The following TBC1D8 variants were observed in gnomAD, a reference collection of about 807,000 sequenced individuals.
TBC1D8 encodes the protein BUB2-like protein 1.
Under a neutral mutation model 118.8 loss-of-function variants are expected in TBC1D8, and 65 were observed. That is an observed-to-expected ratio of 0.55 (90% CI 0.45 to 0.67). The LOEUF is 0.67. Among genes scored for constraint, TBC1D8 ranks in the 30% least tolerant of loss-of-function variants. The pLI is 0.00. For missense variants in TBC1D8, 1,376 were observed against 1,471.2 expected, an observed-to-expected ratio of 0.94 and a Z score of 1.06; for synonymous variants, 566 against 595.8, an observed-to-expected ratio of 0.95 and a Z score of 0.73.
intron 1 of TBC1D8, among the ~76,000 whole-genome samples, chr2:101,126,224 G>C (rs1180109438): frequency 6.6e-6 from 1 of 152,100 alleles, no homozygotes; most frequent in African/African-American, 2.4e-5. Flanking sequence ...GTTCTTGCAA[G>C]AATTCACTCT....
At chr2:101,080,362 G>C (rs978168981) in intron 2 of TBC1D8, among the ~76,000 whole-genome samples, 2 of 151,964 alleles carry the variant, frequency 1.3e-5, no homozygotes, top group Non-Finnish European at 2.9e-5. Flanking sequence ...TTCTGTTCTT[G>C]AAAAAAAGAT....
intron 19 of TBC1D8, among the ~76,000 whole-genome samples, chr2:101,009,406 CA>C (rs70943054): frequency 1.7e-3 from 165 of 97,736 alleles, no homozygotes; most frequent in Middle Eastern, 4.6e-3. Context: ...ACTCTGTCTC[CA>C]AAAAAAAAAA....
At chr2:101,016,117 A>G (rs1223139109) in intron 17 of TBC1D8, among the ~76,000 whole-genome samples, 1 of 152,246 alleles carries the variant, frequency 6.6e-6, no homozygotes, top group Non-Finnish European at 1.5e-5. Context: ...AAAAGAAACT[A>G]CCATCAGAGT....
intron 1 of TBC1D8, among the ~76,000 whole-genome samples, chr2:101,102,920 C>T (rs1039689552): frequency 2.0e-5 from 3 of 151,576 alleles, no homozygotes; most frequent in Admixed American, 6.6e-5. Flanking sequence ...CCGGTGAATA[C>T]TACTAAACCT....
intron 17 of TBC1D8, among the ~76,000 whole-genome samples, chr2:101,020,712 T>C (rs188616862): frequency 3.9e-5 from 6 of 152,270 alleles, no homozygotes; most frequent in African/African-American, 1.4e-4. Flanking sequence ...GCATCTTCAA[T>C]GTTTGTACAG....
chr2:101,103,603 A>T lies in TBC1D8; in HGVS notation c.128-13239T>A, dbSNP rs372751501. On this transcript the variant is annotated intron_variant, in intron 1 of 19. Coordinates refer to ENST00000409318, the MANE Select transcript of TBC1D8 (RefSeq NM_001330348.2). ...GAGACAGGGTTTCACCGTGTTAGCC[A>T]GGATGGTCTCGATCTCCTGACCTCA... Among the ~76,000 whole-genome samples, 12 of 152,216 alleles carry T rather than the reference A, an allele frequency of 7.9e-5. No individual in the cohort carries two copies. The East Asian group carries it at 1.9e-3, about 25-fold the overall frequency.
chr2:101,031,819 T>C (rs557266040), intron 11 of TBC1D8, among the ~76,000 whole-genome samples: 2 of 151,910 alleles, frequency 1.3e-5, no homozygotes, highest in Non-Finnish European at 2.9e-5. Context: ...CTACCTCCTC[T>C]CTCTAGGGCA....
intron 3 of TBC1D8, among the ~76,000 whole-genome samples, chr2:101,054,667 CTTTTCTTTTTTTT>C (rs1193106145): frequency 7.0e-4 from 15 of 21,306 alleles, no homozygotes; most frequent in African/African-American, 1.2e-3. Flanking sequence ...ATTTTCTTTT[CTTTTCTTTTTTTT>C]TTTTTTTTTT....
intron 17 of TBC1D8, among the ~76,000 whole-genome samples, chr2:101,020,380 G>T (rs1318193373): frequency 6.6e-6 from 1 of 152,112 alleles, no homozygotes; most frequent in Non-Finnish European, 1.5e-5. Flanking sequence ...TGCCTTCTAT[G>T]TTAATAGAAA....
intron 18 of TBC1D8, 27 bp from the exon 19 acceptor site, chr2:101,011,053 GT>G: frequency 6.3e-7 from 1 of 1,598,840 alleles, no homozygotes. Context: ...ACAATATGTG[GT>G]TTAATTTAAA....
At chr2:101,083,493 G>A (rs935564098) in intron 2 of TBC1D8, among the ~76,000 whole-genome samples, 14 of 152,076 alleles carry the variant, frequency 9.2e-5, no homozygotes, top group Non-Finnish European at 1.9e-4. Context: ...AAAGCCTTGG[G>A]ATTCTCTGGT....
At chr2:101,145,289 A>C (rs1054173461) in intron 1 of TBC1D8, among the ~76,000 whole-genome samples, 1 of 152,246 alleles carries the variant, frequency 6.6e-6, no homozygotes, top group Admixed American at 6.5e-5. Context: ...GCCCCTAAAG[A>C]TATATCAGTT....
intron 1 of TBC1D8, among the ~76,000 whole-genome samples, chr2:101,092,028 TA>T (rs895807823): frequency 3.1e-4 from 47 of 152,348 alleles, no homozygotes; most frequent in African/African-American, 9.6e-4. Context: ...TTAATATTGA[TA>T]TGGCCCTGCC....
At chr2:101,073,537 G>A (rs1188772420) in intron 2 of TBC1D8, among the ~76,000 whole-genome samples, 3 of 151,952 alleles carry the variant, frequency 2.0e-5, no homozygotes, top group South Asian at 4.1e-4. Flanking sequence ...CTCGTGATCC[G>A]CCCGCCTCGG....
chr2:101,058,055 G>T (rs1243889686), intron 3 of TBC1D8, among the ~76,000 whole-genome samples: 1 of 152,154 alleles, frequency 6.6e-6, no homozygotes, highest in Admixed American at 6.5e-5. Flanking sequence ...GAAACGCAGG[G>T]TAAGTGTGAA....
intron 2 of TBC1D8, among the ~76,000 whole-genome samples, chr2:101,060,201 C>T (rs17025231): frequency 0.13 from 19,410 of 152,234 alleles, 1,554 homozygotes; most frequent in East Asian, 0.26. Context: ...TCAGCTACTC[C>T]GGCATGGAAC....
intron 1 of TBC1D8, among the ~76,000 whole-genome samples, chr2:101,135,416 A>T (rs1438655592): frequency 6.6e-6 from 1 of 151,446 alleles, no homozygotes; most frequent in Non-Finnish European, 1.5e-5. Context: ...AGCTCAACTA[A>T]TAAAAAAAAA....
At chr2:101,094,084 C>A (rs748300621) in intron 1 of TBC1D8, among the ~76,000 whole-genome samples, 3 of 152,114 alleles carry the variant, frequency 2.0e-5, no homozygotes, top group Non-Finnish European at 2.9e-5. Context: ...CCCATCCAGG[C>A]TATAACACAC....
rs540222237 is a variant in TBC1D8 at position 101,077,830 on chromosome 2, G to C, written c.283+12379C>G. ...CAGGTTAGGAGGATGAGGGGAGCCT[G>C]AATTCTGCTAAGGTGTAGACTTAAA... On this transcript the variant is annotated intron_variant, in intron 2 of 19. Transcript: ENST00000409318. 5.3e-5 allele frequency among the ~76,000 whole-genome samples: 8 copies of C among 152,296 alleles called. No homozygotes were observed. The South Asian group carries it at 1.2e-3, about 24-fold the overall frequency.
Sources: allele counts gnomAD v4.1 joint callset (sites outside exome capture counted in the v4.1 genomes callset), GRCh38; gene constraint gnomAD v4.1.1; transcripts MANE v1.5; gene names NCBI Gene and HGNC (gene_info 2026-07-23, HGNC 2026-07-21).